Variants in HERC4 observed in about 807,000 individuals in gnomAD.
The protein encoded by HERC4 is HECT and RLD domain containing E3 ubiquitin protein ligase 4.
Under a neutral mutation model 124.3 loss-of-function variants are expected in HERC4, and 28 were observed. The ratio of observed to expected loss-of-function variants is 0.23; its 90% CI spans 0.17 to 0.31. The LOEUF (loss-of-function observed/expected upper bound fraction) is 0.31. HERC4 is among the 10% of genes least tolerant of loss of function. The probability of loss-of-function intolerance (pLI) is 1.00; values close to 1 mark genes in which losing one functional copy is unlikely to be tolerated. For missense variants in HERC4, 713 were observed against 1,229.3 expected (o/e 0.58, Z 6.28); for synonymous variants, 407 against 421.5 (o/e 0.97, Z 0.42).
At chr10:68,006,660 G>A (rs2133030293) in intron 9 of HERC4, among the ~76,000 whole-genome samples, 1 of 152,250 alleles carries the variant, frequency 6.6e-6, no homozygotes, top group South Asian at 2.1e-4. Flanking sequence ...TTATAAGCAT[G>A]AGCCACCACG....
At chr10:68,032,292 T>C (rs141298559) in intron 7 of HERC4, among the ~76,000 whole-genome samples, 582 of 152,282 alleles carry the variant, frequency 3.8e-3, no homozygotes, top group South Asian at 1.0e-2. Context: ...GTTAAAGCCA[T>C]TGATAAGACT....
intron 21 of HERC4, among the ~76,000 whole-genome samples, chr10:67,938,233 G>C (rs1457758149): frequency 1.3e-5 from 2 of 151,618 alleles, no homozygotes; most frequent in African/African-American, 4.8e-5. Context: ...ACGAGGTCAA[G>C]AGATTGGGAC....
chr10:68,017,764 C>T (rs2038357717), intron 8 of HERC4, among the ~76,000 whole-genome samples: 1 of 152,190 alleles, frequency 6.6e-6, no homozygotes, highest in Non-Finnish European at 1.5e-5. Context: ...GCTGGGATTA[C>T]AGGCATGAGC....
intron 4 of HERC4, 199 bp from the exon 5 acceptor site, chr10:68,038,368 A>T (rs981947381): frequency 1.7e-5 from 7 of 411,296 alleles, no homozygotes. Flanking sequence ...AAAAAAAATT[A>T]AAGGGGTGAA....
Position 68,051,022 on chromosome 10 carries a change from C to T in HERC4, c.227-6459G>A, listed in dbSNP as rs118007110. On this transcript the variant is annotated intron_variant, in intron 3 of 24. Coordinates refer to ENST00000373700, the MANE Select transcript of HERC4 (RefSeq NM_015601.4). ...CCAAAGTACATTTACCTTTAAAGGC[C>T]AATAACACAATTAGAAAACGGAGAG... is the stretch of plus-strand genomic sequence containing the variant. Among the ~76,000 whole-genome samples, 697 of 146,844 alleles carry T rather than the reference C, an allele frequency of 4.7e-3. 4 individuals are homozygous for T. The highest frequency in any genetic ancestry group is 6.8e-3 in the Non-Finnish European group (458 of 66,968).
chr10:68,010,369 G>A (rs560915695), intron 9 of HERC4: 31 of 948,966 alleles, frequency 3.3e-5, no homozygotes, highest in Admixed American at 2.8e-4. Context: ...AAGGACACTG[G>A]TGCCCCTGAG....
chr10:67,975,019 T>C (rs1011425711), intron 15 of HERC4, among the ~76,000 whole-genome samples: 1 of 151,996 alleles, frequency 6.6e-6, no homozygotes, highest in Non-Finnish European at 1.5e-5. Context: ...TGAAACCCCG[T>C]CTCTACTAAA....
In HERC4 at chr10:67,956,866, A is replaced by G; in HGVS notation, c.2025+12T>C. The G allele has an allele frequency of 1.3e-6, 2 of 1,510,630 alleles. No homozygotes were observed. The allele number at this position is 1,510,630 out of a possible 1,614,324, so 93.6% of individuals were successfully genotyped here. On this transcript the variant is annotated intron_variant, in intron 17 of 24. Coordinates refer to ENST00000373700, the MANE Select transcript of HERC4 (RefSeq NM_015601.4). ...CAATTAAAAAAAAAAACCCTCTCAA[A>G]TAATATTTTACCTGCATCTGTAAGA...
intron 16 of HERC4, chr10:67,964,816 A>G (rs1211840235): frequency 2.0e-5 from 3 of 150,196 alleles, no homozygotes; most frequent in Non-Finnish European, 2.9e-5. Context: ...ACTGTCGCCC[A>G]TGCTGGAGTG....
intron 9 of HERC4, among the ~76,000 whole-genome samples, chr10:68,002,773 T>C (rs1203991661): frequency 6.6e-6 from 1 of 152,012 alleles, no homozygotes; most frequent in Admixed American, 6.6e-5. Context: ...TAATTTTTTG[T>C]ATTTTTAGTT....
intron 15 of HERC4, among the ~76,000 whole-genome samples, chr10:67,968,540 T>A (rs1230119404): frequency 1.3e-5 from 2 of 151,002 alleles, no homozygotes; most frequent in African/African-American, 2.4e-5. Context: ...CTCTGGCTAA[T>A]TTTTTTTTGT....
At position 67,997,896 on chromosome 10, in the gene HERC4, T is replaced by C. The variant is rs528977086; in HGVS notation, c.1070-5214A>G. On this transcript the variant is annotated intron_variant, in intron 9 of 24. Transcript: ENST00000373700. ...CAATCAACCATGCATGGATAGAACATATTTTTCTTTGTTCATTTGTTTTTG... is the reference window on the plus strand; with the variant it reads ...CAATCAACCATGCATGGATAGAACACATTTTTCTTTGTTCATTTGTTTTTG... 5.3e-5 allele frequency among the ~76,000 whole-genome samples: 8 copies of C among 152,064 alleles called. No homozygotes were observed. In the South Asian group the frequency reaches 1.5e-3, roughly 28 times the overall value.
At chr10:68,070,707 AC>A (rs1207055388) in intron 3 of HERC4, 1 of 152,170 alleles carries the variant, frequency 6.6e-6, no homozygotes, top group East Asian at 1.9e-4. Flanking sequence ...TACTTTTTGA[AC>A]TTGTTTCTCT....
chr10:68,011,386 CTA>C (rs1490584334), intron 9 of HERC4, among the ~76,000 whole-genome samples: 3 of 152,196 alleles, frequency 2.0e-5, no homozygotes, highest in African/African-American at 7.2e-5. Flanking sequence ...AGAGGAATCA[CTA>C]TATGTGGTAA....
intron 19 of HERC4, among the ~76,000 whole-genome samples, chr10:67,951,314 G>A (rs1327241839): frequency 6.6e-6 from 1 of 152,168 alleles, no homozygotes; most frequent in Admixed American, 6.5e-5. Context: ...GCTAGGATTT[G>A]AGCAGATTGT....
intron 8 of HERC4, among the ~76,000 whole-genome samples, chr10:68,015,868 C>T (rs142940408): frequency 3.2e-4 from 48 of 152,072 alleles, no homozygotes; most frequent in South Asian, 1.0e-3. Context: ...TTTGGGAGAC[C>T]GAGGCAGGTG....
At chr10:68,015,900 C>T (rs529291765) in intron 8 of HERC4, among the ~76,000 whole-genome samples, 3 of 152,104 alleles carry the variant, frequency 2.0e-5, no homozygotes, top group South Asian at 2.1e-4. Flanking sequence ...GTCAGGAGTT[C>T]GAGACCAGCA....
intron 19 of HERC4, among the ~76,000 whole-genome samples, chr10:67,953,094 CA>C (rs1417510425): frequency 6.6e-6 from 1 of 151,952 alleles, no homozygotes; most frequent in Non-Finnish European, 1.5e-5. Flanking sequence ...CATACATTTT[CA>C]AAAGATCACC....
At chr10:68,034,257 T>C in intron 5 of HERC4, 71 bp from the exon 6 acceptor site, 1 of 1,077,642 alleles carries the variant, frequency 9.3e-7, no homozygotes, top group East Asian at 2.5e-5. Flanking sequence ...AATAATCATT[T>C]CATTTCAAAT....
Sources: gnomAD v4.1 joint callset for allele counts (sites outside exome capture counted in the v4.1 genomes callset) on GRCh38, gnomAD v4.1.1 for gene constraint, MANE v1.5 for transcripts, NCBI Gene and HGNC (gene_info 2026-07-23, HGNC 2026-07-21) for gene names.